NDUFAF2: variants seen among roughly 807,000 people sequenced by gnomAD.
The protein encoded by NDUFAF2 is NADH:ubiquinone oxidoreductase complex assembly factor 2.
In NDUFAF2, 13 loss-of-function variants were observed where a neutral mutation model predicts 22.8. The ratio of observed to expected loss-of-function variants is 0.57; its 90% CI spans 0.37 to 0.91. NDUFAF2 has a LOEUF of 0.91. Among genes scored for constraint, NDUFAF2 ranks in the 40% least tolerant of loss-of-function variants. The pLI, the probability that NDUFAF2 is intolerant of heterozygous loss-of-function variation, is 0.01. For synonymous variants in NDUFAF2, 53 were observed against 64.2 expected, an observed-to-expected ratio of 0.83 and a Z score of 0.84; for missense variants, 162 against 195.2, an observed-to-expected ratio of 0.83 and a Z score of 1.01.
chr5:60,962,108 A>ATG (rs763103629), intron 1 of NDUFAF2, among the ~76,000 whole-genome samples: 3 of 151,920 alleles, frequency 2.0e-5, no homozygotes, highest in Non-Finnish European at 4.4e-5. Context: ...ATTGATATAT[A>ATG]CTTCGTGATT....
At chr5:60,957,572 C>T (rs1750633904) in intron 1 of NDUFAF2, among the ~76,000 whole-genome samples, 1 of 151,228 alleles carries the variant, frequency 6.6e-6, no homozygotes, top group South Asian at 2.1e-4. Flanking sequence ...CTTCTGATTC[C>T]TGATTACCCT....
At chr5:60,982,382 G>A (rs188570726) in intron 1 of NDUFAF2, among the ~76,000 whole-genome samples, 154 of 151,962 alleles carry the variant, frequency 1.0e-3, no homozygotes, top group African/African-American at 3.5e-3. Flanking sequence ...GGAAACTCCC[G>A]TTTTTATTTT....
intron 1 of NDUFAF2, among the ~76,000 whole-genome samples, chr5:60,996,740 G>A (rs1475178361): frequency 1.3e-5 from 2 of 152,100 alleles, no homozygotes; most frequent in South Asian, 4.1e-4. Flanking sequence ...CTCTGGCTAG[G>A]GCTGATTTTG....
intron 1 of NDUFAF2, among the ~76,000 whole-genome samples, chr5:61,000,765 A>T (rs916249032): frequency 2.0e-5 from 3 of 152,130 alleles, no homozygotes; most frequent in Non-Finnish European, 2.9e-5. Flanking sequence ...ACTGCTGGAG[A>T]TAGAGCACCT....
At chr5:61,077,893 TTAAGTAAGTTCC>T (rs1752389835) in intron 2 of NDUFAF2, among the ~76,000 whole-genome samples, 2 of 152,194 alleles carry the variant, frequency 1.3e-5, no homozygotes, top group Admixed American at 1.3e-4. Context: ...GAAGAGTGAT[TTAAGTAAGTTCC>T]TAAGTATCAA....
chr5:61,005,420 C>A (rs1482215603), intron 1 of NDUFAF2, among the ~76,000 whole-genome samples: 1 of 152,268 alleles, frequency 6.6e-6, no homozygotes, highest in East Asian at 1.9e-4. Flanking sequence ...GTCTTTATAG[C>A]AGCATGATTT....
intron 3 of NDUFAF2, among the ~76,000 whole-genome samples, chr5:61,140,327 C>A (rs1226910465): frequency 1.3e-5 from 2 of 152,178 alleles, no homozygotes; most frequent in Admixed American, 6.5e-5. Context: ...TTGGTTCCTG[C>A]CCTAATGATT....
At chr5:61,033,797 C>T (rs34592) in intron 1 of NDUFAF2, among the ~76,000 whole-genome samples, 100,674 of 151,880 alleles carry the variant, frequency 0.66, 33,731 homozygotes, top group East Asian at 0.94. Context: ...GAGTTACAAC[C>T]TCAAACAAAA....
intron 1 of NDUFAF2, among the ~76,000 whole-genome samples, chr5:61,003,935 G>T (rs1751331650): frequency 6.6e-6 from 1 of 152,004 alleles, no homozygotes; most frequent in South Asian, 2.1e-4. Context: ...CCAAAGTGCT[G>T]AGATTACAAG....
chr5:61,029,180 G>A (rs1304471465), intron 1 of NDUFAF2, among the ~76,000 whole-genome samples: 1 of 152,128 alleles, frequency 6.6e-6, no homozygotes, highest in African/African-American at 2.4e-5. Flanking sequence ...GTATCTGGTG[G>A]AGAATACTGA....
chr5:61,101,819 C>T (rs295567), intron 3 of NDUFAF2, among the ~76,000 whole-genome samples: 20,913 of 152,106 alleles, frequency 0.14, 1,776 homozygotes, highest in South Asian at 0.26. Context: ...TGGTAAGATA[C>T]ATTAAATAAG....
At chr5:61,085,257 A>T (rs73759471) in intron 2 of NDUFAF2, among the ~76,000 whole-genome samples, 4,973 of 152,252 alleles carry the variant, frequency 0.033, 298 homozygotes, top group African/African-American at 0.11. Context: ...TTGAAAATCC[A>T]TTTATATTCA....
At chr5:61,043,689 G>C (rs1751910657) in intron 1 of NDUFAF2, among the ~76,000 whole-genome samples, 1 of 148,100 alleles carries the variant, frequency 6.8e-6, no homozygotes, top group South Asian at 2.1e-4. Flanking sequence ...ATGTGTGTGT[G>C]TGTGTGTGTG....
chr5:60,972,727 A>G (rs902446874), intron 1 of NDUFAF2, among the ~76,000 whole-genome samples: 8 of 150,142 alleles, frequency 5.3e-5, no homozygotes, highest in African/African-American at 2.0e-4. Context: ...TCTTTTTTTA[A>G]AGTAGAAAAA....
At chr5:61,136,051 G>A (rs1221930444) in intron 3 of NDUFAF2, among the ~76,000 whole-genome samples, 4 of 97,338 alleles carry the variant, frequency 4.1e-5, no homozygotes, top group African/African-American at 1.9e-4. Flanking sequence ...ATCTAGGGTG[G>A]ATTGCTTTTT....
intron 1 of NDUFAF2, among the ~76,000 whole-genome samples, chr5:61,032,927 A>G (rs759458074): frequency 6.6e-6 from 1 of 152,088 alleles, no homozygotes; most frequent in Admixed American, 6.6e-5. Context: ...GCTCCCACCA[A>G]CAGTGTAAAA....
At chr5:61,040,276 A>ACG (rs1330723728) in intron 1 of NDUFAF2, among the ~76,000 whole-genome samples, 7 of 120,702 alleles carry the variant, frequency 5.8e-5, no homozygotes, top group African/African-American at 2.7e-4. Context: ...ACACACACAC[A>ACG]CACACACACA....
chr5:60,988,711 A>T (rs545075110), intron 1 of NDUFAF2, among the ~76,000 whole-genome samples: 1 of 152,236 alleles, frequency 6.6e-6, no homozygotes, highest in African/African-American at 2.4e-5. Flanking sequence ...TGATGCTGGG[A>T]TAACTGGCTA....
chr5:61,099,159 C>T, intron 3 of NDUFAF2, 127 bp downstream of exon 3: 3 of 403,482 alleles, frequency 7.4e-6, no homozygotes, highest in Non-Finnish European at 1.3e-5. Flanking sequence ...TAACTTAAAA[C>T]ATTTTATAAT....
Sources: gnomAD v4.1 joint callset for allele counts (sites outside exome capture counted in the v4.1 genomes callset) on GRCh38, gnomAD v4.1.1 for gene constraint, MANE v1.5 for transcripts, NCBI Gene and HGNC (gene_info 2026-07-23, HGNC 2026-07-21) for gene names.